Variants in PTPRN2 observed in about 807,000 individuals in gnomAD.
PTPRN2 encodes receptor-type tyrosine-protein phosphatase N2.
A neutral mutation model predicts 118.8 loss-of-function variants in PTPRN2; 74 were observed. The ratio of observed to expected loss-of-function variants is 0.62; its 90% confidence interval spans 0.52 to 0.76. PTPRN2 has a LOEUF of 0.76. Ranked by LOEUF, PTPRN2 falls within the 30% of genes least tolerant of loss-of-function variation. The pLI is 0.00. For synonymous variants in PTPRN2, 641 were observed against 608.0 expected, an observed-to-expected ratio of 1.05 and a Z score of -0.80; for missense variants, 1,481 against 1,394.4, an observed-to-expected ratio of 1.06 and a Z score of -0.99.
At chr7:158,235,812 A>G (rs1829494581) in intron 3 of PTPRN2, among the ~76,000 whole-genome samples, 1 of 152,220 alleles carries the variant, frequency 6.6e-6, no homozygotes, top group Admixed American at 6.5e-5. Flanking sequence ...TGATCTTTAC[A>G]AATTATACAA....
At chr7:158,368,209 G>A (rs556333596) in intron 2 of PTPRN2, among the ~76,000 whole-genome samples, 111 of 152,196 alleles carry the variant, frequency 7.3e-4, no homozygotes, top group African/African-American at 2.1e-3. Context: ...CTCCTGCACC[G>A]GCCTCCCAGG....
At chr7:158,491,116 C>T (rs1821412472) in intron 1 of PTPRN2, among the ~76,000 whole-genome samples, 1 of 152,244 alleles carries the variant, frequency 6.6e-6, no homozygotes, top group Non-Finnish European at 1.5e-5. Context: ...CCTTGGTTGC[C>T]TTAAACCAGC....
intron 4 of PTPRN2, among the ~76,000 whole-genome samples, chr7:158,196,888 T>C (rs982931586): frequency 3.9e-5 from 6 of 152,168 alleles, no homozygotes; most frequent in Non-Finnish European, 8.8e-5. Flanking sequence ...TATGGCTCTC[T>C]TAGAAATACG....
chr7:157,641,898 C>T (rs552722775), intron 14 of PTPRN2, among the ~76,000 whole-genome samples: 2 of 152,294 alleles, frequency 1.3e-5, no homozygotes, highest in South Asian at 2.1e-4. Flanking sequence ...GGTGTTCACT[C>T]GAGTCCAGGC....
intron 2 of PTPRN2, among the ~76,000 whole-genome samples, chr7:158,374,375 C>T (rs1232310249): frequency 1.3e-5 from 2 of 152,146 alleles, no homozygotes; most frequent in Non-Finnish European, 2.9e-5. Flanking sequence ...TGCAGAGCCA[C>T]CCACACACTC....
chr7:157,985,310 G>C (rs908969008), intron 11 of PTPRN2, among the ~76,000 whole-genome samples: 5 of 152,162 alleles, frequency 3.3e-5, no homozygotes, highest in Non-Finnish European at 5.9e-5. Flanking sequence ...TAGAGAGACC[G>C]GGCAAGCCAC....
In PTPRN2 at chr7:157,556,280, GCA is replaced by G. The variant is rs550970531; in HGVS notation, c.2903-7263_2903-7262del. On this transcript the variant is annotated intron_variant, in intron 21 of 22. Transcript: ENST00000389418. ...ACACTCACATCATACATATGCACAT[GCA>G]CACACACAGAGGCATGCACACACCC... Among the ~76,000 whole-genome samples, 24 of 147,864 alleles carry G rather than the reference GCA, an allele frequency of 1.6e-4. 1 individual carries two copies. The South Asian group carries it at 5.3e-3, about 32-fold the overall frequency.
At position 158,262,980 on chromosome 7, in the gene PTPRN2, TACAG is replaced by T. The variant is rs1280729214; in HGVS notation, c.277+53835_277+53838del. Among the ~76,000 whole-genome samples, 161 of 143,170 alleles carry T rather than the reference TACAG, an allele frequency of 1.1e-3. No individual in the cohort carries two copies. In the East Asian group the frequency reaches 0.023, roughly 20 times the overall value. The allele number at this position is 143,170 out of a possible 152,430, so 93.9% of individuals were successfully genotyped here. ...TACACACATTCACACACTGCACACA[TACAG>T]ATTCACACACATTGCACACACACAT... On this transcript the variant is annotated intron_variant, in intron 3 of 22. Coordinates refer to ENST00000389418, the MANE Select transcript of PTPRN2 (RefSeq NM_002847.5).
chr7:157,542,112 T>A (rs924932610), intron 22 of PTPRN2, among the ~76,000 whole-genome samples: 1 of 152,124 alleles, frequency 6.6e-6, no homozygotes, highest in Non-Finnish European at 1.5e-5. Flanking sequence ...CGAAATTACG[T>A]GGGAGCTGCC....
At chr7:157,830,902 G>T (rs945155586) in intron 12 of PTPRN2, among the ~76,000 whole-genome samples, 1 of 152,170 alleles carries the variant, frequency 6.6e-6, no homozygotes, top group African/African-American at 2.4e-5. Flanking sequence ...CTGCTTCCAG[G>T]CTGCACGCTG....
intron 12 of PTPRN2, among the ~76,000 whole-genome samples, chr7:157,822,362 C>T (rs1806899906): frequency 6.6e-6 from 1 of 151,646 alleles, no homozygotes; most frequent in Non-Finnish European, 1.5e-5. Flanking sequence ...TCCATCTATA[C>T]ACTATCCATC....
intron 12 of PTPRN2, among the ~76,000 whole-genome samples, chr7:157,770,271 C>T (rs1343080475): frequency 2.6e-5 from 4 of 152,212 alleles, no homozygotes; most frequent in Admixed American, 2.6e-4. Flanking sequence ...GAGGTTTCTG[C>T]TGGTTTAAGT....
At chr7:157,765,252 G>A (rs1243276220) in intron 12 of PTPRN2, among the ~76,000 whole-genome samples, 1 of 115,730 alleles carries the variant, frequency 8.6e-6, no homozygotes, top group Non-Finnish European at 1.8e-5. Context: ...CCACCCACCT[G>A]TCATTCATCA....
intron 2 of PTPRN2, among the ~76,000 whole-genome samples, chr7:158,387,199 C>T (rs565235730): frequency 6.6e-6 from 1 of 152,198 alleles, no homozygotes; most frequent in Admixed American, 6.5e-5. Context: ...GGCTTCAGGG[C>T]CCACACGGAC....
chr7:158,333,670 C>T lies in PTPRN2; in HGVS notation c.164-16738G>A, dbSNP rs11769020. On this transcript the variant is annotated intron_variant, in intron 2 of 22. Coordinates refer to ENST00000389418, the MANE Select transcript of PTPRN2 (RefSeq NM_002847.5). ...CACATTCTCACCATAAGAGCTGACACCCACAGACATCACTCACACCCACAC... is the reference window on the plus strand; with the variant it reads ...CACATTCTCACCATAAGAGCTGACATCCACAGACATCACTCACACCCACAC... Among the ~76,000 whole-genome samples the T allele has an allele frequency of 2.2e-5, 3 of 139,036 alleles. No homozygotes were observed. The East Asian group carries it at 6.4e-4, about 30-fold the overall frequency. 91.2% of individuals were successfully genotyped at this position (139,036 alleles called of 152,430 possible).
intron 2 of PTPRN2, among the ~76,000 whole-genome samples, chr7:158,386,973 C>T (rs972413024): frequency 2.0e-5 from 3 of 152,232 alleles, no homozygotes; most frequent in African/African-American, 7.2e-5. Context: ...AAGCACTCGC[C>T]ACAGGGGTGG....
chr7:157,631,541 A>C (rs1294142099), intron 14 of PTPRN2, among the ~76,000 whole-genome samples: 1 of 151,964 alleles, frequency 6.6e-6, no homozygotes, highest in Non-Finnish European at 1.5e-5. Context: ...TACTAAAAAT[A>C]CAAAAAATTA....
intron 6 of PTPRN2, 128 bp from the exon 7 acceptor site, chr7:158,138,643 AG>A: frequency 1.3e-6 from 1 of 757,570 alleles, no homozygotes; most frequent in Non-Finnish European, 2.1e-6. Flanking sequence ...GGCCAGGCGC[AG>A]GCCAGTGCTC....
intron 11 of PTPRN2, among the ~76,000 whole-genome samples, chr7:158,060,206 G>A (rs1346941609): frequency 1.0e-4 from 10 of 99,638 alleles, no homozygotes; most frequent in African/African-American, 1.5e-4. Flanking sequence ...ATCTGCACAC[G>A]GTGACACATC....
Sources: gnomAD v4.1 joint callset for allele counts (sites outside exome capture counted in the v4.1 genomes callset) on GRCh38, gnomAD v4.1.1 for gene constraint, MANE v1.5 for transcripts, NCBI Gene and HGNC (gene_info 2026-07-23, HGNC 2026-07-21) for gene names.